The following ATOSA variants were observed in gnomAD, a reference collection of about 807,000 sequenced individuals.
ATOSA encodes atos homolog A.
chr15:52,669,886 A>G, the ATOSA span, among the ~76,000 whole-genome samples: 1 of 152,198 alleles, frequency 6.6e-6, no homozygotes, highest in Non-Finnish European at 1.5e-5. Flanking sequence ...CACTGAATCA[A>G]TCCTAGGTAA....
chr15:52,615,669 C>T, the ATOSA span, among the ~76,000 whole-genome samples: 1 of 152,128 alleles, frequency 6.6e-6, no homozygotes, highest in African/African-American at 2.4e-5. Context: ...TCTTTTCCAG[C>T]TTCAGGAAGG....
At chr15:52,596,425 T>C in the ATOSA span, among the ~76,000 whole-genome samples, 3 of 152,124 alleles carry the variant, frequency 2.0e-5, no homozygotes, top group African/African-American at 4.8e-5. Context: ...GACTAGAAAA[T>C]TGAACATCCA....
At chr15:52,602,980 A>G in the ATOSA span, among the ~76,000 whole-genome samples, 1 of 152,202 alleles carries the variant, frequency 6.6e-6, no homozygotes, top group African/African-American at 2.4e-5. Flanking sequence ...TACTTCTTCC[A>G]GAATCTCTGT....
chr15:52,620,344 G>A, the ATOSA span, among the ~76,000 whole-genome samples: 3 of 152,220 alleles, frequency 2.0e-5, no homozygotes, highest in East Asian at 5.8e-4. Context: ...TTGTTCTCCA[G>A]AAAAACCACA....
At chr15:52,644,072 T>A in the ATOSA span, among the ~76,000 whole-genome samples, 1 of 152,044 alleles carries the variant, frequency 6.6e-6, no homozygotes, top group East Asian at 1.9e-4. Flanking sequence ...AGATGTTTGT[T>A]GCTTTTGTGA....
the ATOSA span, among the ~76,000 whole-genome samples, chr15:52,643,839 G>T: frequency 6.6e-6 from 1 of 151,776 alleles, no homozygotes; most frequent in African/African-American, 2.4e-5. Context: ...CTTGAACCCG[G>T]GAGGCGGAGG....
At chr15:52,639,175 C>T in the ATOSA span, among the ~76,000 whole-genome samples, 1 of 151,166 alleles carries the variant, frequency 6.6e-6, no homozygotes, top group African/African-American at 2.4e-5. Context: ...TATGAATATA[C>T]TTACAAGTCT....
the ATOSA span, among the ~76,000 whole-genome samples, chr15:52,641,073 C>T: frequency 6.6e-6 from 1 of 152,126 alleles, no homozygotes. Flanking sequence ...TACCACAAAC[C>T]TCTTATCTGA....
the ATOSA span, among the ~76,000 whole-genome samples, chr15:52,623,568 C>T: frequency 3.3e-5 from 5 of 152,074 alleles, no homozygotes; most frequent in African/African-American, 1.2e-4. Context: ...GGATTACAGG[C>T]TGGTATAATG....
the ATOSA span, among the ~76,000 whole-genome samples, chr15:52,647,735 C>T: frequency 1.2e-4 from 18 of 152,126 alleles, no homozygotes; most frequent in African/African-American, 3.6e-4. Context: ...TCAGTACACA[C>T]GAGTGTACAT....
At chr15:52,603,946 T>C in the ATOSA span, among the ~76,000 whole-genome samples, 2 of 152,288 alleles carry the variant, frequency 1.3e-5, no homozygotes, top group African/African-American at 4.8e-5. Context: ...AAGTTAACAA[T>C]AATTTATCGT....
the ATOSA span, among the ~76,000 whole-genome samples, chr15:52,670,741 CT>C: frequency 2.0e-5 from 3 of 152,080 alleles, no homozygotes; most frequent in Non-Finnish European, 4.4e-5. Context: ...AGACCTGGCC[CT>C]TTGCACATCT....
At chr15:52,632,471 T>C in the ATOSA span, among the ~76,000 whole-genome samples, 2 of 152,146 alleles carry the variant, frequency 1.3e-5, no homozygotes, top group African/African-American at 4.8e-5. Context: ...GAGAAAAGAA[T>C]AGGCTTTTTG....
the ATOSA span, chr15:52,590,563 TATTATTAGAGTAACAAG>T: frequency 6.6e-6 from 1 of 152,330 alleles, no homozygotes; most frequent in East Asian, 1.9e-4. Context: ...GTCCCAAAAT[TATTATTAGAGTAACAAG>T]GTTATTATAA....
At chr15:52,686,470 A>C in the ATOSA span, among the ~76,000 whole-genome samples, 4 of 152,256 alleles carry the variant, frequency 2.6e-5, no homozygotes, top group Non-Finnish European at 2.9e-5. Flanking sequence ...TTAAGAAAGA[A>C]AAAGGTTTGT....
the ATOSA span, among the ~76,000 whole-genome samples, chr15:52,583,035 C>T: frequency 6.6e-6 from 1 of 152,128 alleles, no homozygotes; most frequent in Admixed American, 6.5e-5. Context: ...GATTTTACTC[C>T]TGAACTAGCT....
chr15:52,620,068 C>T, the ATOSA span, among the ~76,000 whole-genome samples: 1 of 152,088 alleles, frequency 6.6e-6, no homozygotes, highest in Non-Finnish European at 1.5e-5. Flanking sequence ...TTTGCATGCT[C>T]TTCTGGTTCT....
chr15:52,679,534 G>A, the ATOSA span, among the ~76,000 whole-genome samples: 1 of 152,208 alleles, frequency 6.6e-6, no homozygotes, highest in Non-Finnish European at 1.5e-5. Flanking sequence ...TTCGGTGCAG[G>A]TGCCCGGCGG....
At chr15:52,706,748 T>C in the ATOSA span, among the ~76,000 whole-genome samples, 1 of 152,218 alleles carries the variant, frequency 6.6e-6, no homozygotes, top group South Asian at 2.1e-4. Context: ...GATGTATTGA[T>C]GCATGCCACA....
Sources: allele counts gnomAD v4.1 joint callset (sites outside exome capture counted in the v4.1 genomes callset), GRCh38; gene constraint gnomAD v4.1.1; transcripts MANE v1.5; gene names NCBI Gene and HGNC (gene_info 2026-07-23, HGNC 2026-07-21).